SMARCD3: variants seen among roughly 807,000 people sequenced by gnomAD.
The protein encoded by SMARCD3 is SWI/SNF-related matrix-associated actin-dependent regulator of chromatin subfamily D member 3.
Under a neutral mutation model 58.0 loss-of-function variants are expected in SMARCD3, and 14 were observed. That is an observed-to-expected ratio of 0.24 (90% CI 0.16 to 0.38). SMARCD3 has a LOEUF of 0.38. SMARCD3 is among the 10% of genes least tolerant of loss of function. SMARCD3 has a pLI of 1.00. For missense variants in SMARCD3, 408 were observed against 636.9 expected, an observed-to-expected ratio of 0.64 and a Z score of 3.87; for synonymous variants, 253 against 253.8, an observed-to-expected ratio of 1.00 and a Z score of 0.03.
rs1290340482 is a variant in SMARCD3 at position 151,259,301 on chromosome 7, G to A, written c.40-13630C>T. Among the ~76,000 whole-genome samples the A allele has an allele frequency of 1.3e-5, 2 of 149,212 alleles. 1 individual carries two copies. The highest frequency in any genetic ancestry group is 3.0e-5 in the Non-Finnish European group (2 of 67,678). On this transcript the variant is annotated intron_variant, in intron 2 of 13. Coordinates refer to the SMARCD3 transcript ENST00000356800. ...TGGGAGGCAGAGGTTGCGGTGAGCTGAGATCACACCACTGCACTCCAGCCT... is the reference window on the plus strand; with the variant it reads ...TGGGAGGCAGAGGTTGCGGTGAGCTAAGATCACACCACTGCACTCCAGCCT...
intron 2 of SMARCD3, among the ~76,000 whole-genome samples, chr7:151,268,635 C>G (rs774778507): frequency 3.9e-5 from 6 of 152,176 alleles, no homozygotes; most frequent in Non-Finnish European, 7.4e-5. Flanking sequence ...CCAGTTGGGA[C>G]TCTTGCCCTG....
intron 2 of SMARCD3, among the ~76,000 whole-genome samples, chr7:151,262,435 C>T (rs1290542012): frequency 1.3e-5 from 2 of 152,204 alleles, no homozygotes; most frequent in Non-Finnish European, 2.9e-5. Flanking sequence ...CCTAGAAAAG[C>T]TGAGGTTTGG....
chr7:151,276,205 T>C (rs531709585), intron 1 of SMARCD3, among the ~76,000 whole-genome samples: 1 of 148,024 alleles, frequency 6.8e-6, no homozygotes, highest in African/African-American at 2.5e-5. Flanking sequence ...AGGAGAGGGG[T>C]ATCCAGGGAA....
intron 2 of SMARCD3, among the ~76,000 whole-genome samples, chr7:151,263,069 C>T (rs1803968565): frequency 6.6e-6 from 1 of 152,240 alleles, no homozygotes; most frequent in Admixed American, 6.5e-5. Context: ...ATCCTTAACC[C>T]ACCTTATAAG....
chr7:151,248,607 CTT>C lies in SMARCD3; in HGVS notation c.-47_-46del, dbSNP rs1327042056. ...CCTCTCACTCTCTCTCTCTCTTCCT[CTT>C]TCTTTCCCTTTTCTGCCTTTTTTTT... On this transcript the variant is annotated 5_prime_UTR_variant, in exon 1 of 13. Coordinates refer to ENST00000262188, the MANE Select transcript of SMARCD3 (RefSeq NM_001003801.2). The surrounding 1 kb of genome is among the most constrained non-coding windows in gnomAD (Gnocchi z 6.1). 2 of 1,608,694 alleles carry C rather than the reference CTT, an allele frequency of 1.2e-6. No homozygotes were observed. Among genetic ancestry groups the C allele is most frequent in the Admixed American group, 3.3e-5 (2 of 59,708 alleles).
intron 1 of SMARCD3, among the ~76,000 whole-genome samples, chr7:151,276,144 C>CG (rs201734071): frequency 4.6e-4 from 37 of 80,334 alleles, no homozygotes; most frequent in East Asian, 9.4e-4. Context: ...AGTCCAGGGT[C>CG]GGGGGGGAGG....
In SMARCD3 at chr7:151,246,334, A is replaced by G. The variant is rs1312245312; in HGVS notation, c.79-663T>C. ...TTTTGACCCTTGGGTCCCAAACCCC[A>G]CTCCCCTCGGCTGACTCCAAGTCCC... On this transcript the variant is annotated intron_variant, in intron 1 of 12. Coordinates refer to ENST00000262188, the MANE Select transcript of SMARCD3 (RefSeq NM_001003801.2). The surrounding 1 kb of genome is among the most constrained non-coding windows in gnomAD (Gnocchi z 4.4). 1.3e-5 allele frequency among the ~76,000 whole-genome samples: 2 copies of G among 150,660 alleles called. No individual in the cohort carries two copies. Among genetic ancestry groups the G allele is most frequent in the Non-Finnish European group, 3.0e-5 (2 of 67,640 alleles).
upstream of SMARCD3, among the ~76,000 whole-genome samples, chr7:151,253,065 G>A (rs1803579790): frequency 1.3e-5 from 2 of 152,216 alleles, no homozygotes; most frequent in Non-Finnish European, 2.9e-5. Flanking sequence ...GCTTAAGTCA[G>A]AGCATTCCTA....
At chr7:151,264,461 G>A (rs886200796) in intron 2 of SMARCD3, among the ~76,000 whole-genome samples, 1 of 152,190 alleles carries the variant, frequency 6.6e-6, no homozygotes, top group African/African-American at 2.4e-5. Flanking sequence ...TGTGGGAAGA[G>A]GAGAGCATGA....
rs1377008495 is a variant in SMARCD3 at position 151,248,493 on chromosome 7, G to A, written c.70C>T (p.His24Tyr). The A allele has an allele frequency of 1.9e-6, 3 of 1,611,684 alleles. No individual in the cohort carries two copies. Among genetic ancestry groups the A allele is most frequent in the Non-Finnish European group, 2.5e-6 (3 of 1,178,490 alleles). Residue 24 changes from histidine (H) to tyrosine (Y), a missense_variant, in exon 1 of 13, where the codon CAT becomes TAT. His to Tyr is a moderately conservative substitution (Grantham distance 83). Coordinates refer to ENST00000262188, the MANE Select transcript of SMARCD3 (RefSeq NM_001003801.2). The surrounding 1 kb of genome is among the most constrained non-coding windows in gnomAD (Gnocchi z 6.1). ...AACTTTCCCCCACTCACCACCCCAT[G>A]GACCAGAAACTCAAAAAGTTTGCTT... ...TKSKLFEFLV[H>Y]GVRPGMPSGA...
At chr7:151,265,623 G>A (rs190621664) in intron 2 of SMARCD3, among the ~76,000 whole-genome samples, 5 of 152,336 alleles carry the variant, frequency 3.3e-5, no homozygotes, top group African/African-American at 9.6e-5. Flanking sequence ...CCCGATGAAA[G>A]CAAGGCCTCC....
chr7:151,261,082 G>C (rs148641337), intron 2 of SMARCD3, among the ~76,000 whole-genome samples: 1 of 152,160 alleles, frequency 6.6e-6, no homozygotes, highest in African/African-American at 2.4e-5. Flanking sequence ...GCGCGCTCTC[G>C]GCAAATCCTT....
chr7:151,262,457 A>G (rs1325246868), intron 2 of SMARCD3, among the ~76,000 whole-genome samples: 3 of 152,230 alleles, frequency 2.0e-5, no homozygotes, highest in African/African-American at 7.2e-5. Flanking sequence ...AACTGCTGGT[A>G]ACGGCATCCA....
chr7:151,245,075 C>A lies in SMARCD3; in HGVS notation c.290+385G>T, dbSNP rs1289366745. On this transcript the variant is annotated intron_variant, in intron 2 of 12. Transcript: ENST00000262188. This position sits in a 1 kb window ranked among gnomAD's most constrained non-coding sequence, Gnocchi z 6.2. Reference sequence around the variant, plus strand: ...GCCGGCAGGAAGGCTCAGCGGAGAACCACACTTTGGGGAACACAGTCCTAC... The same window carrying A: ...GCCGGCAGGAAGGCTCAGCGGAGAAACACACTTTGGGGAACACAGTCCTAC... Among the ~76,000 whole-genome samples, 1 of 152,184 alleles carries A rather than the reference C, an allele frequency of 6.6e-6. No individual in the cohort carries two copies. Among genetic ancestry groups the A allele is most frequent in the Non-Finnish European group, 1.5e-5 (1 of 68,042 alleles).
Position 151,259,601 on chromosome 7 carries a change from G to GTTTTTTTTTTTTTTTTT in SMARCD3, c.40-13947_40-13931dup, listed in dbSNP as rs112223142. ...TGCCAGCTGAGGTTACAACCTGAGA[G>GTTTTTTTTTTTTTTTTT]TTTTTTTTTTTTTTTTTTTTTTTTT... On this transcript the variant is annotated intron_variant, in intron 2 of 13. Transcript: ENST00000356800. Among the ~76,000 whole-genome samples the GTTTTTTTTTTTTTTTTT allele has an allele frequency of 7.1e-5, 5 of 70,532 alleles. 1 individual carries two copies. Among genetic ancestry groups the GTTTTTTTTTTTTTTTTT allele is most frequent in the Admixed American group, 2.1e-4 (1 of 4,818 alleles). 46.3% of individuals were successfully genotyped at this position (70,532 alleles called of 152,430 possible).
intron 1 of SMARCD3, among the ~76,000 whole-genome samples, chr7:151,247,039 G>T (rs1046413268): frequency 3.3e-5 from 5 of 152,022 alleles, no homozygotes; most frequent in Non-Finnish European, 5.9e-5. Flanking sequence ...CCCACCCTCG[G>T]TCAGCAGCTG....
At chr7:151,272,204 C>T (rs1027321630) in intron 2 of SMARCD3, among the ~76,000 whole-genome samples, 4 of 152,116 alleles carry the variant, frequency 2.6e-5, no homozygotes, top group East Asian at 1.9e-4. Context: ...CCAGAAATCA[C>T]GTGATTTGAG....
rs201179265 is a variant in SMARCD3, at chr7:151,239,509, C to T, written c.1297-12G>A. 1.1e-3 allele frequency: 1,727 copies of T among 1,611,722 alleles called. 31 individuals are homozygous for T. The South Asian group carries it at 0.015, about 14-fold the overall frequency. On this transcript the variant is annotated splice_polypyrimidine_tract_variant and intron_variant, in intron 11 of 12. Coordinates refer to ENST00000262188, the MANE Select transcript of SMARCD3 (RefSeq NM_001003801.2). This position sits in a 1 kb window ranked among gnomAD's most constrained non-coding sequence, Gnocchi z 7.0. ...ACATCTGTCATCACCTGGGAGGGAGCGTGGGGTGAGCCCTGAGCCCTGAAT... is the reference window on the plus strand; with the variant it reads ...ACATCTGTCATCACCTGGGAGGGAGTGTGGGGTGAGCCCTGAGCCCTGAAT...
exon 2 of SMARCD3, chr7:151,275,213 GC>G: frequency 7.0e-7 from 1 of 1,428,838 alleles, no homozygotes; most frequent in Non-Finnish European, 9.8e-7. Context: ...TGGGCCCGGA[GC>G]CCACCGCGCC....
Sources: gnomAD v4.1 joint callset for allele counts (sites outside exome capture counted in the v4.1 genomes callset) on GRCh38, gnomAD v4.1.1 for gene constraint, Gnocchi (gnomAD v3.1) non-coding constraint, MANE v1.5 for transcripts, NCBI Gene and HGNC (gene_info 2026-07-23, HGNC 2026-07-21) for gene names.